The following GALNT2 variants were observed in gnomAD, a reference collection of about 807,000 sequenced individuals.
GALNT2 encodes the protein polypeptide N-acetylgalactosaminyltransferase 2.
In GALNT2, 31 loss-of-function variants were observed where a neutral mutation model predicts 81.4. That is an observed-to-expected ratio of 0.38 (90% CI 0.29 to 0.51). GALNT2 has a LOEUF of 0.51. Ranked by LOEUF, GALNT2 falls within the 20% of genes least tolerant of loss-of-function variation. GALNT2 has a pLI of 0.87. For synonymous variants in GALNT2, 303 were observed against 287.4 expected, an observed-to-expected ratio of 1.05 and a Z score of -0.55; for missense variants, 629 against 765.7, an observed-to-expected ratio of 0.82 and a Z score of 2.11.
chr1:230,261,301 C>T (rs891135611), intron 11 of GALNT2, among the ~76,000 whole-genome samples: 1 of 152,066 alleles, frequency 6.6e-6, no homozygotes, highest in Non-Finnish European at 1.5e-5. Flanking sequence ...TATATATCAC[C>T]TTATATGAAA....
chr1:230,159,683 C>T (rs1447802961), intron 1 of GALNT2, among the ~76,000 whole-genome samples: 2 of 152,202 alleles, frequency 1.3e-5, no homozygotes, highest in African/African-American at 2.4e-5. Context: ...GCAGGCTGTA[C>T]GTGGTGAAGG....
intron 1 of GALNT2, among the ~76,000 whole-genome samples, chr1:230,156,844 C>A (rs1039638981): frequency 6.6e-6 from 1 of 152,272 alleles, no homozygotes. Context: ...GGAGACAGAT[C>A]CTCTGGCCTG....
At chr1:230,242,213 C>T (rs1203386117) in intron 6 of GALNT2, among the ~76,000 whole-genome samples, 1 of 152,194 alleles carries the variant, frequency 6.6e-6, no homozygotes, top group Non-Finnish European at 1.5e-5. Flanking sequence ...TATCTAGTTT[C>T]TGTCTGCTTC....
Position 230,163,637 on chromosome 1 carries a change from G to A in GALNT2, c.127-14581G>A, listed in dbSNP as rs369186031. Among the ~76,000 whole-genome samples the A allele has an allele frequency of 6.6e-5, 10 of 152,336 alleles. No individual in the cohort carries two copies. The South Asian group carries it at 1.9e-3, about 28-fold the overall frequency. ...AGAGCAGGAATTTGAATTTGCCTTC[G>A]AAGCCCGAGCTGCTCACAGCAGCTC... On this transcript the variant is annotated intron_variant, in intron 1 of 15. Coordinates refer to ENST00000366672, the MANE Select transcript of GALNT2 (RefSeq NM_004481.5).
intron 1 of GALNT2, among the ~76,000 whole-genome samples, chr1:230,124,226 T>A (rs1661106504): frequency 6.6e-6 from 1 of 152,242 alleles, no homozygotes; most frequent in African/African-American, 2.4e-5. Context: ...TTCTGGGGGT[T>A]AATTTTATTA....
intron 2 of GALNT2, among the ~76,000 whole-genome samples, chr1:230,186,168 T>C (rs1663329240): frequency 6.6e-6 from 1 of 152,300 alleles, no homozygotes; most frequent in South Asian, 2.1e-4. Flanking sequence ...CAAGAGTGTT[T>C]GCTGGTGAGA....
chr1:230,063,020 A>T (rs1217024166), upstream of GALNT2, among the ~76,000 whole-genome samples: 3 of 152,088 alleles, frequency 2.0e-5, no homozygotes, highest in African/African-American at 4.8e-5. Context: ...TTATTTTAAA[A>T]ATGTTTTATA....
chr1:230,244,200 A>G (rs1452949619), intron 7 of GALNT2, among the ~76,000 whole-genome samples: 2 of 152,070 alleles, frequency 1.3e-5, no homozygotes, highest in East Asian at 3.9e-4. Flanking sequence ...TGGAATACTA[A>G]GTAACCACAA....
rs75919037 is a variant in GALNT2, at chr1:230,255,312, G to A, written c.1104G>A (p.Thr368=). ...GHVFRKQHPY[T]FPGGSGTVFA... is the part of the protein sequence containing the mutation. ...TGTTCCGGAAGCAGCACCCCTACAC[G>A]TTCCCGGGTGGCAGTGGCACTGTCT... The change falls in exon 11 of 16, where the codon ACG becomes ACA. Residue 368 remains threonine (T), a synonymous_variant. Coordinates refer to ENST00000366672, the MANE Select transcript of GALNT2 (RefSeq NM_004481.5). 4.6e-4 allele frequency: 744 copies of A among 1,614,240 alleles called. 2 individuals are homozygous for A. In the African/African-American group the frequency reaches 8.4e-3, roughly 18 times the overall value.
chr1:230,125,102 ATTC>A (rs1377603780), intron 1 of GALNT2, among the ~76,000 whole-genome samples: 1 of 152,240 alleles, frequency 6.6e-6, no homozygotes, highest in African/African-American at 2.4e-5. Flanking sequence ...GTTGTTCTCT[ATTC>A]TTGTCAAATG....
intron 1 of GALNT2, among the ~76,000 whole-genome samples, chr1:230,060,189 T>C (rs755780386): frequency 5.3e-5 from 8 of 152,236 alleles, no homozygotes; most frequent in Non-Finnish European, 1.2e-4. Flanking sequence ...ACCACTTACT[T>C]TACAGAATGT....
intron 2 of GALNT2, 97 bp downstream of exon 2, chr1:230,178,408 G>A: frequency 1.2e-6 from 1 of 838,454 alleles, no homozygotes; most frequent in Non-Finnish European, 1.9e-6. Flanking sequence ...GGGAGAGGCT[G>A]GATTCCATAG....
At chr1:230,152,589 T>C (rs1157111457) in intron 1 of GALNT2, among the ~76,000 whole-genome samples, 1 of 152,232 alleles carries the variant, frequency 6.6e-6, no homozygotes. Flanking sequence ...GATGGATGTC[T>C]ACATCAAATT....
At chr1:230,125,893 T>G (rs1661160541) in intron 1 of GALNT2, among the ~76,000 whole-genome samples, 1 of 152,250 alleles carries the variant, frequency 6.6e-6, no homozygotes, top group South Asian at 2.1e-4. Context: ...AGTTTCAATG[T>G]CTCTCTCCTG....
intron 6 of GALNT2, among the ~76,000 whole-genome samples, chr1:230,237,819 ACC>A (rs1665078485): frequency 6.7e-6 from 1 of 150,208 alleles, no homozygotes; most frequent in East Asian, 2.0e-4. Flanking sequence ...CTGCCATCCT[ACC>A]CCATCACCTG....
At chr1:230,087,629 C>T (rs1659938591) in intron 1 of GALNT2, among the ~76,000 whole-genome samples, 1 of 152,186 alleles carries the variant, frequency 6.6e-6, no homozygotes, top group Non-Finnish European at 1.5e-5. Context: ...AGAAAAAGCT[C>T]CCCATGTGTG....
intron 14 of GALNT2, among the ~76,000 whole-genome samples, chr1:230,266,248 C>G (rs977822644): frequency 6.6e-5 from 10 of 152,320 alleles, no homozygotes; most frequent in African/African-American, 2.2e-4. Context: ...CTTCTCCCAT[C>G]ATTGCAAAGG....
chr1:230,281,011 C>T lies in GALNT2; in HGVS notation c.*1553C>T, dbSNP rs2102788845. 1 of 152,432 alleles carries T rather than the reference C, an allele frequency of 6.6e-6. No individual in the cohort carries two copies. Among genetic ancestry groups the T allele is most frequent in the South Asian group, 2.1e-4 (1 of 4,826 alleles). The allele number at this position is 152,432 out of a possible 1,614,324, so 9.4% of individuals were successfully genotyped here. ...TTCTCCAGCGCCGCACACACAGATG[C>T]TCAGTCTCAGAGAGGCTGGCACGGC... On this transcript the variant is annotated 3_prime_UTR_variant, in exon 16 of 16. Coordinates refer to ENST00000366672, the MANE Select transcript of GALNT2 (RefSeq NM_004481.5).
intron 8 of GALNT2, among the ~76,000 whole-genome samples, 167 bp from the exon 9 acceptor site, chr1:230,249,017 C>T (rs538881825): frequency 2.6e-5 from 4 of 152,186 alleles, no homozygotes; most frequent in African/African-American, 9.7e-5. Flanking sequence ...GCTACACCCA[C>T]GCCCCCAGTC....
Sources: allele counts gnomAD v4.1 joint callset (sites outside exome capture counted in the v4.1 genomes callset), GRCh38; gene constraint gnomAD v4.1.1; transcripts MANE v1.5; gene names NCBI Gene and HGNC (gene_info 2026-07-23, HGNC 2026-07-21).